The following CNTNAP3 variants were observed in gnomAD, a reference collection of about 807,000 sequenced individuals.
CNTNAP3 encodes contactin-associated protein-like 3.
A neutral mutation model predicts 92.1 loss-of-function variants in CNTNAP3; 36 were observed. That is an observed-to-expected ratio of 0.39 (90% CI 0.30 to 0.52). The LOEUF is 0.52. Among genes scored for constraint, CNTNAP3 ranks in the 20% least tolerant of loss-of-function variants. CNTNAP3 has a pLI of 0.76. For missense variants in CNTNAP3, 534 were observed against 1,069.6 expected (o/e 0.50, Z 6.98); for synonymous variants, 232 against 422.3 (o/e 0.55, Z 5.53).
chr9:39,139,617 T>A (rs992325248), intron 12 of CNTNAP3: 9 of 152,192 alleles, frequency 5.9e-5, no homozygotes, highest in African/African-American at 2.2e-4. Flanking sequence ...ATGAGAACAG[T>A]TTATTCCAGA....
chr9:39,101,093 T>C (rs1263738455), intron 17 of CNTNAP3, among the ~76,000 whole-genome samples: 3 of 148,444 alleles, frequency 2.0e-5, no homozygotes. Context: ...AGATTACAAG[T>C]GAGAAAATCA....
At chr9:39,146,562 GCCTGTA>G (rs1821704959) in intron 10 of CNTNAP3, among the ~76,000 whole-genome samples, 2 of 152,014 alleles carry the variant, frequency 1.3e-5, no homozygotes, top group Admixed American at 1.3e-4. Flanking sequence ...GGTGGCGGGC[GCCTGTA>G]GTTCCAGCTA....
At chr9:39,091,154 T>C (rs1010712160) in intron 18 of CNTNAP3, among the ~76,000 whole-genome samples, 2 of 151,658 alleles carry the variant, frequency 1.3e-5, no homozygotes, top group Non-Finnish European at 2.9e-5. Context: ...CTTTCTAATT[T>C]GGATGTTTTT....
At chr9:39,130,371 A>G (rs1220416513) in intron 13 of CNTNAP3, among the ~76,000 whole-genome samples, 5 of 152,152 alleles carry the variant, frequency 3.3e-5, no homozygotes, top group Non-Finnish European at 7.4e-5. Context: ...ACACAGAGTG[A>G]AAAAAACTCA....
At chr9:39,133,800 C>G (rs1203039518) in intron 12 of CNTNAP3, among the ~76,000 whole-genome samples, 5 of 152,120 alleles carry the variant, frequency 3.3e-5, no homozygotes, top group Admixed American at 3.3e-4. Flanking sequence ...TCCACAATCT[C>G]AAAAGGGAAG....
In CNTNAP3 at chr9:39,065,414, T is replaced by C. The variant is rs1825489997; in HGVS notation, c.*8476A>G. On this transcript the variant is annotated 3_prime_UTR_variant, in exon 24 of 24. Transcript: ENST00000297668. ...TTAGGCAGTTTACAGTTTGGGGATA[T>C]TATAAGTAAAGATGCTATAAACGTT... Among the ~76,000 whole-genome samples, 2 of 152,218 alleles carry C rather than the reference T, an allele frequency of 1.3e-5. No individual in the cohort carries two copies. The highest frequency in any genetic ancestry group is 2.1e-4 in the South Asian group (1 of 4,828).
intron 14 of CNTNAP3, among the ~76,000 whole-genome samples, chr9:39,116,990 T>G (rs1196153423): frequency 6.6e-6 from 1 of 151,396 alleles, no homozygotes; most frequent in Non-Finnish European, 1.5e-5. Flanking sequence ...ATTTATTAAT[T>G]ATTATTATTA....
At chr9:39,084,246 T>C (rs1826017235) in intron 21 of CNTNAP3, among the ~76,000 whole-genome samples, 1 of 147,120 alleles carries the variant, frequency 6.8e-6, no homozygotes, top group Non-Finnish European at 1.5e-5. Context: ...TCATCCAGGC[T>C]GGAGTGCAGG....
intron 18 of CNTNAP3, chr9:39,099,680 G>C: frequency 1.3e-6 from 1 of 792,962 alleles, no homozygotes; most frequent in Non-Finnish European, 1.9e-6. Context: ...CAGATGCTAG[G>C]GGTAACCCAG....
intron 12 of CNTNAP3, among the ~76,000 whole-genome samples, chr9:39,134,325 T>C (rs917602054): frequency 6.6e-6 from 1 of 152,144 alleles, no homozygotes; most frequent in Non-Finnish European, 1.5e-5. Context: ...CTCCACTCAC[T>C]GTACTCACCA....
Position 39,128,366 on chromosome 9 carries a change from C to T in CNTNAP3, c.2080+4566G>A, listed in dbSNP as rs565132534. 5.3e-5 allele frequency among the ~76,000 whole-genome samples: 8 copies of T among 152,116 alleles called. No individual in the cohort carries two copies. The East Asian group carries it at 1.4e-3, about 26-fold the overall frequency. On this transcript the variant is annotated intron_variant, in intron 13 of 23. Coordinates refer to ENST00000297668, the MANE Select transcript of CNTNAP3 (RefSeq NM_033655.5). ...CAATAAAATATTAATAAATGAAACACATTAGAAATGTATTTTTTAAATTAT... is the reference window on the plus strand; with the variant it reads ...CAATAAAATATTAATAAATGAAACATATTAGAAATGTATTTTTTAAATTAT...
chr9:39,145,743 T>A (rs377390619), intron 10 of CNTNAP3, among the ~76,000 whole-genome samples: 716 of 132,700 alleles, frequency 5.4e-3, no homozygotes, highest in Non-Finnish European at 8.0e-3. Context: ...TTAGGGGCCA[T>A]GAGAATCACA....
intron 18 of CNTNAP3, among the ~76,000 whole-genome samples, chr9:39,091,640 T>C (rs1826204837): frequency 6.6e-6 from 1 of 151,892 alleles, no homozygotes; most frequent in Non-Finnish European, 1.5e-5. Context: ...ACTTAAATGA[T>C]ATTGGTCTGT....
At chr9:39,107,274 AAGAG>A (rs1168345383) in intron 15 of CNTNAP3, among the ~76,000 whole-genome samples, 7 of 151,910 alleles carry the variant, frequency 4.6e-5, no homozygotes, top group South Asian at 2.1e-4. Context: ...AAAGAAAAGA[AAGAG>A]AGAGAAAGAA....
In CNTNAP3 at chr9:39,140,883, G is replaced by C. The variant is rs1340678872; in HGVS notation, c.1757-245C>G. 3.9e-5 allele frequency among the ~76,000 whole-genome samples: 6 copies of C among 152,320 alleles called. No homozygotes were observed. The South Asian group carries it at 1.2e-3, about 32-fold the overall frequency. ...TACATTCAAATGTTGGATGTTGTTAGATGCTGAATAAATATTTGGTCACAG... is the reference window on the plus strand; with the variant it reads ...TACATTCAAATGTTGGATGTTGTTACATGCTGAATAAATATTTGGTCACAG... On this transcript the variant is annotated intron_variant, in intron 11 of 23. Transcript: ENST00000297668.
At chr9:39,113,688 A>T (rs1469381030) in intron 14 of CNTNAP3, among the ~76,000 whole-genome samples, 3 of 152,106 alleles carry the variant, frequency 2.0e-5, no homozygotes, top group East Asian at 3.8e-4. Context: ...GATTACAGTT[A>T]AGAATATAGT....
chr9:39,075,263 G>A (rs2118360386), intron 23 of CNTNAP3, among the ~76,000 whole-genome samples: 1 of 151,206 alleles, frequency 6.6e-6, no homozygotes, highest in Non-Finnish European at 1.5e-5. Context: ...CACTAAGTCA[G>A]TAAATCAGAA....
rs869082311 is a variant in CNTNAP3, at chr9:39,120,102, GT to G, written c.2081-1844del. ...CAAACCCAGAGATTTAGGAAGTAAA[GT>G]TTAAGTCCAAAAAAGGATAAACCCA... is the stretch of plus-strand genomic sequence containing the variant. On this transcript the variant is annotated intron_variant, in intron 13 of 23. Transcript: ENST00000297668. Among the ~76,000 whole-genome samples the G allele has an allele frequency of 4.0e-5, 6 of 151,328 alleles. No homozygotes were observed. In the South Asian group the frequency reaches 1.0e-3, roughly 26 times the overall value.
chr9:39,117,929 T>C, intron 14 of CNTNAP3, 174 bp downstream of exon 14: 9 of 1,301,232 alleles, frequency 6.9e-6, no homozygotes, highest in Non-Finnish European at 9.5e-6. Context: ...AAATCTTTGG[T>C]CATAAAATTT....
Sources: allele counts gnomAD v4.1 joint callset (sites outside exome capture counted in the v4.1 genomes callset), GRCh38; gene constraint gnomAD v4.1.1; transcripts MANE v1.5; gene names NCBI Gene and HGNC (gene_info 2026-07-23, HGNC 2026-07-21).